Variants in KCNJ15 observed in about 807,000 individuals in gnomAD.
KCNJ15 encodes potassium inwardly rectifying channel subfamily J member 15.
A neutral mutation model predicts 23.0 loss-of-function variants in KCNJ15; 14 were observed. The ratio of observed to expected loss-of-function variants is 0.61; its 90% CI spans 0.40 to 0.95. The LOEUF (loss-of-function observed/expected upper bound fraction) is 0.95, where lower values mean the gene tolerates loss of function less well. Among genes scored for constraint, KCNJ15 ranks in the 40% least tolerant of loss-of-function variants. The pLI is 0.00. For synonymous variants in KCNJ15, 185 were observed against 183.2 expected, an observed-to-expected ratio of 1.01 and a Z score of -0.08; for missense variants, 388 against 461.8, an observed-to-expected ratio of 0.84 and a Z score of 1.46.
At chr21:38,235,960 A>G (rs978876392) in intron 1 of KCNJ15, among the ~76,000 whole-genome samples, 1 of 152,226 alleles carries the variant, frequency 6.6e-6, no homozygotes. Flanking sequence ...TCCAGAATAT[A>G]TCATTTTTCT....
At chr21:38,230,865 A>G (rs1049592012) in intron 1 of KCNJ15, among the ~76,000 whole-genome samples, 19 of 152,062 alleles carry the variant, frequency 1.2e-4, no homozygotes, top group African/African-American at 4.6e-4. Context: ...GAGATCTTCA[A>G]TTTAGTTCTT....
At chr21:38,282,748 C>T (rs780238275) in intron 1 of KCNJ15, among the ~76,000 whole-genome samples, 2 of 152,096 alleles carry the variant, frequency 1.3e-5, no homozygotes, top group Non-Finnish European at 2.9e-5. Flanking sequence ...TACCACATGC[C>T]AGGCCTTGTG....
chr21:38,287,653 C>T lies in KCNJ15; in HGVS notation c.-116-9273C>T, dbSNP rs1984057614. Among the ~76,000 whole-genome samples, 3 of 152,172 alleles carry T rather than the reference C, an allele frequency of 2.0e-5. No individual in the cohort carries two copies. The South Asian group carries it at 6.2e-4, about 31-fold the overall frequency. ...GCATCTTGTATTTTATCTGGCAACT[C>T]TAAAAACACCAAATTTGGGCCAATA... is the stretch of plus-strand genomic sequence containing the variant. On this transcript the variant is annotated intron_variant, in intron 1 of 2. Coordinates refer to ENST00000398938, the MANE Select transcript of KCNJ15 (RefSeq NM_170736.3).
chr21:38,260,303 C>G (rs1350889992), intron 1 of KCNJ15, among the ~76,000 whole-genome samples: 2 of 152,204 alleles, frequency 1.3e-5, no homozygotes, highest in African/African-American at 4.8e-5. Flanking sequence ...GGGATCTCCA[C>G]TCATCGTAAT....
chr21:38,280,019 C>A (rs1305997731), intron 1 of KCNJ15, among the ~76,000 whole-genome samples: 3 of 152,254 alleles, frequency 2.0e-5, no homozygotes, highest in South Asian at 2.1e-4. Context: ...AACTGGGGAA[C>A]AACTCCCCTC....
chr21:38,278,904 GC>G lies in KCNJ15; in HGVS notation c.-116-18021del, dbSNP rs375878700. 3.6e-4 allele frequency among the ~76,000 whole-genome samples: 55 copies of G among 152,322 alleles called. No homozygotes were observed. In the East Asian group the frequency reaches 8.3e-3, roughly 23 times the overall value. The stretch of plus-strand genomic sequence containing the variant: ...GTAGACAATGGGGCCACTAAGCTGG[GC>G]GGCAGAGTGCTTTAGGGACACCACT... On this transcript the variant is annotated intron_variant, in intron 1 of 2. Coordinates refer to ENST00000398938, the MANE Select transcript of KCNJ15 (RefSeq NM_170736.3).
chr21:38,268,070 A>G (rs999193199), intron 1 of KCNJ15, among the ~76,000 whole-genome samples: 3 of 152,308 alleles, frequency 2.0e-5, no homozygotes, highest in African/African-American at 7.2e-5. Context: ...AGTAACTACA[A>G]CTAAACAAGT....
At chr21:38,256,983 C>T (rs908498699), upstream of KCNJ15, 9 of 135,896 alleles carry the variant, frequency 6.6e-5, no homozygotes, top group African/African-American at 2.4e-4. Context: ...TCTTTCCTTT[C>T]TCTCTTCAGT....
intron 1 of KCNJ15, among the ~76,000 whole-genome samples, chr21:38,231,506 T>C (rs1988742676): frequency 6.6e-6 from 1 of 152,008 alleles, no homozygotes; most frequent in Non-Finnish European, 1.5e-5. Context: ...GTGGACACAC[T>C]TATGCTGTAC....
intron 1 of KCNJ15, among the ~76,000 whole-genome samples, chr21:38,275,561 C>CT (rs1234126008): frequency 3.5e-5 from 5 of 143,846 alleles, no homozygotes; most frequent in South Asian, 4.4e-4. Flanking sequence ...AAATGGGAAA[C>CT]TTTTTTTTGA....
At chr21:38,288,026 C>CTTTTTTTTCTTTT in intron 1 of KCNJ15, among the ~76,000 whole-genome samples, 2 of 78,206 alleles carry the variant, frequency 2.6e-5, no homozygotes, top group East Asian at 8.0e-4. Flanking sequence ...TTGTTTTTTT[C>CTTTTTTTTCTTTT]TTTGTTTTTT....
At chr21:38,253,795 C>T (rs1310606923), upstream of KCNJ15, among the ~76,000 whole-genome samples, 1 of 152,050 alleles carries the variant, frequency 6.6e-6, no homozygotes, top group Non-Finnish European at 1.5e-5. Flanking sequence ...TTCAGATCTT[C>T]ATAGAAAAAT....
chr21:38,290,581 C>T (rs184388277), intron 1 of KCNJ15, among the ~76,000 whole-genome samples: 4 of 152,238 alleles, frequency 2.6e-5, no homozygotes, highest in African/African-American at 7.2e-5. Flanking sequence ...CTCCAGCTAC[C>T]GAATTGCTTG....
Position 38,299,111 on chromosome 21 carries a change from T to C in KCNJ15, c.-18-133T>C, listed in dbSNP as rs530173798. 4 of 725,484 alleles carry C rather than the reference T, an allele frequency of 5.5e-6. No individual in the cohort carries two copies. In the African/African-American group the frequency reaches 7.1e-5, roughly 13 times the overall value. 44.9% of individuals were successfully genotyped at this position (725,484 alleles called of 1,614,324 possible). ...TACCGACCACCTAAGTATAGATCAG[T>C]TAATCTTGCCTTCAGAATTCTCCTT... is the stretch of plus-strand genomic sequence containing the variant. On this transcript the variant is annotated intron_variant, in intron 2 of 2. Coordinates refer to ENST00000398938, the MANE Select transcript of KCNJ15 (RefSeq NM_170736.3). This position sits in a 1 kb window ranked among gnomAD's most constrained non-coding sequence, Gnocchi z 4.5.
intron 1 of KCNJ15, among the ~76,000 whole-genome samples, chr21:38,239,495 A>G (rs1978846695): frequency 6.6e-6 from 1 of 152,012 alleles, no homozygotes; most frequent in African/African-American, 2.4e-5. Context: ...TCTCCCCTTT[A>G]TTCTCTTGAT....
chr21:38,278,693 A>C (rs1982997052), intron 1 of KCNJ15, among the ~76,000 whole-genome samples: 1 of 152,180 alleles, frequency 6.6e-6, no homozygotes, highest in South Asian at 2.1e-4. Context: ...AACGCTGGCC[A>C]AGACAGGAGG....
intron 1 of KCNJ15, among the ~76,000 whole-genome samples, chr21:38,277,958 G>T (rs1982903386): frequency 6.6e-6 from 1 of 152,160 alleles, no homozygotes; most frequent in African/African-American, 2.4e-5. Context: ...AGGGTACAAA[G>T]GTGGACATGG....
chr21:38,279,440 T>C (rs1349863763), intron 1 of KCNJ15, among the ~76,000 whole-genome samples: 1 of 152,040 alleles, frequency 6.6e-6, no homozygotes, highest in East Asian at 1.9e-4. Flanking sequence ...CACTTCAAGA[T>C]TGGCAGAAGA....
intron 1 of KCNJ15, among the ~76,000 whole-genome samples, chr21:38,290,954 A>T (rs1244680376): frequency 7.0e-6 from 1 of 142,362 alleles, no homozygotes; most frequent in East Asian, 2.1e-4. Context: ...TTTAGACCAG[A>T]TCAGCACTCC....
Sources: allele counts gnomAD v4.1 joint callset (sites outside exome capture counted in the v4.1 genomes callset), GRCh38; gene constraint gnomAD v4.1.1; non-coding constraint Gnocchi (gnomAD v3.1); transcripts MANE v1.5; gene names NCBI Gene and HGNC (gene_info 2026-07-23, HGNC 2026-07-21).